ITK: variants seen among roughly 807,000 people sequenced by gnomAD.
ITK encodes tyrosine-protein kinase ITK/TSK.
In ITK, 45 loss-of-function variants were observed where a neutral mutation model predicts 87.6. The observed-to-expected ratio is 0.51, with a 90% CI of 0.40 to 0.66. ITK has a LOEUF of 0.66. Ranked by LOEUF, ITK falls within the 30% of genes least tolerant of loss-of-function variation. The pLI is 0.00. For missense variants in ITK, 605 were observed against 766.3 expected, an observed-to-expected ratio of 0.79 and a Z score of 2.48; for synonymous variants, 303 against 273.6, an observed-to-expected ratio of 1.11 and a Z score of -1.06.
chr5:157,207,659 C>T (rs924767468), intron 1 of ITK, among the ~76,000 whole-genome samples: 1 of 152,052 alleles, frequency 6.6e-6, no homozygotes, highest in African/African-American at 2.4e-5. Flanking sequence ...GGATTACAGG[C>T]GTGAGCCACC....
At chr5:157,243,995 T>A (rs543305620) in intron 12 of ITK, 3 of 675,552 alleles carry the variant, frequency 4.4e-6, no homozygotes, top group Non-Finnish European at 8.0e-6. Flanking sequence ...CACCTCCCCC[T>A]TCTCAGCTCC....
At chr5:157,219,611 A>T (rs1465046544) in intron 5 of ITK, among the ~76,000 whole-genome samples, 1 of 152,188 alleles carries the variant, frequency 6.6e-6, no homozygotes, top group African/African-American at 2.4e-5. Flanking sequence ...TGGTGTTTAG[A>T]TCTGTCATCA....
At chr5:157,241,769 G>A (rs1754912790) in intron 11 of ITK, 49 bp downstream of exon 11, 4 of 1,417,070 alleles carry the variant, frequency 2.8e-6, no homozygotes, top group Admixed American at 1.7e-5. Flanking sequence ...AAGGTCTGGG[G>A]CAAATTCTGA....
chr5:157,232,181 C>T (rs1454064761), intron 7 of ITK, among the ~76,000 whole-genome samples, 159 bp from the exon 8 acceptor site: 5 of 152,116 alleles, frequency 3.3e-5, no homozygotes, highest in Admixed American at 2.6e-4. Context: ...TAGAAACATA[C>T]GTGTGCAGAC....
rs1236720776 is a variant in ITK at position 157,254,099 on chromosome 5, T to G, written c.*1421T>G. On this transcript the variant is annotated 3_prime_UTR_variant, in exon 17 of 17. Transcript: ENST00000422843. ...CCGCAATACACAGATTCTTTATTCC[T>G]ATTCGACACTGGCTTCTACTGAAAA... 3 of 227,728 alleles carry G rather than the reference T, an allele frequency of 1.3e-5. No homozygotes were observed. The Admixed American group carries it at 1.7e-4, about 13-fold the overall frequency. The allele number at this position is 227,728 out of a possible 1,614,324, so 14.1% of individuals were successfully genotyped here.
chr5:157,181,010 C>G lies in ITK; in HGVS notation c.33C>G (p.Leu11=). Residue 11 remains leucine, a synonymous_variant, in exon 1 of 17, where the codon CTC becomes CTG. Coordinates refer to ENST00000422843, the MANE Select transcript of ITK (RefSeq NM_005546.4). MNNFILLEEQ[L]IKKSQQKRRT... ...ACTTTATCCTCCTGGAAGAACAGCT[C>G]ATCAAGAAATCCCAACAAAAGAGAA... 1 of 1,613,902 alleles carries G rather than the reference C, an allele frequency of 6.2e-7. No homozygotes were observed. Among genetic ancestry groups the G allele is most frequent in the Non-Finnish European group, 8.5e-7 (1 of 1,179,760 alleles).
intron 1 of ITK, among the ~76,000 whole-genome samples, chr5:157,192,900 A>G (rs1753780238): frequency 6.6e-6 from 1 of 152,192 alleles, no homozygotes; most frequent in Non-Finnish European, 1.5e-5. Context: ...ATAAAGTTGG[A>G]CTGAATGATT....
At chr5:157,225,238 T>A (rs1021668596) in intron 6 of ITK, among the ~76,000 whole-genome samples, 1 of 152,130 alleles carries the variant, frequency 6.6e-6, no homozygotes, top group Non-Finnish European at 1.5e-5. Flanking sequence ...CGAGAAATTC[T>A]CCCGCTTTAG....
intron 1 of ITK, among the ~76,000 whole-genome samples, chr5:157,182,634 C>T (rs1035740355): frequency 2.0e-5 from 3 of 152,058 alleles, no homozygotes; most frequent in South Asian, 4.2e-4. Flanking sequence ...GCTAATAAAT[C>T]GCATGGCATT....
intron 6 of ITK, among the ~76,000 whole-genome samples, chr5:157,223,684 G>T (rs1476437148): frequency 6.6e-6 from 1 of 151,892 alleles, no homozygotes; most frequent in East Asian, 1.9e-4. Flanking sequence ...CAGAATCTGA[G>T]TTCAATAGTT....
chr5:157,212,416 C>T (rs1370247513), intron 3 of ITK, among the ~76,000 whole-genome samples: 1 of 152,138 alleles, frequency 6.6e-6, no homozygotes, highest in Non-Finnish European at 1.5e-5. Flanking sequence ...TATCTTATCC[C>T]GAGGTTGTTG....
intron 16 of ITK, among the ~76,000 whole-genome samples, chr5:157,252,333 C>A (rs541042940): frequency 4.4e-4 from 67 of 152,200 alleles, no homozygotes; most frequent in African/African-American, 1.6e-3. Context: ...TTATTATCTC[C>A]ATTTTACAAA....
chr5:157,201,422 C>A (rs749970148), intron 1 of ITK, among the ~76,000 whole-genome samples: 1 of 151,560 alleles, frequency 6.6e-6, no homozygotes, highest in African/African-American at 2.4e-5. Flanking sequence ...CTCAGCCTCC[C>A]GAGCAGCTGG....
intron 4 of ITK, among the ~76,000 whole-genome samples, chr5:157,215,036 C>T (rs2113756297): frequency 6.6e-6 from 1 of 152,266 alleles, no homozygotes; most frequent in African/African-American, 2.4e-5. Context: ...GAACCTTAAC[C>T]TCCAGTCGAG....
At chr5:157,234,669 G>C (rs1172294665) in intron 8 of ITK, among the ~76,000 whole-genome samples, 1 of 152,072 alleles carries the variant, frequency 6.6e-6, no homozygotes, top group African/African-American at 2.4e-5. Context: ...AACTAACACA[G>C]GAATAGAAAA....
chr5:157,252,587 G>T lies in ITK; in HGVS notation c.1792-20G>T. The T allele has an allele frequency of 6.2e-7, 1 of 1,601,354 alleles. No homozygotes were observed. The highest frequency in any genetic ancestry group is 8.6e-7 in the Non-Finnish European group (1 of 1,168,326). On this transcript the variant is annotated intron_variant, in intron 16 of 16. Transcript: ENST00000422843. ...CGCATAAGTACAAGGAACTTACAGAGTTCTTTTTTCCCTCTCCAGAGACCA... is the reference window on the plus strand; with the variant it reads ...CGCATAAGTACAAGGAACTTACAGATTTCTTTTTTCCCTCTCCAGAGACCA...
intron 1 of ITK, among the ~76,000 whole-genome samples, chr5:157,191,071 T>C (rs149658939): frequency 8.1e-4 from 124 of 152,320 alleles, no homozygotes; most frequent in African/African-American, 2.9e-3. Context: ...TCCTGGGCCA[T>C]TGTGTAGTGT....
In ITK at chr5:157,243,828, TG is replaced by T. The variant is rs761076141; in HGVS notation, c.1232+40del. 20 of 1,596,752 alleles carry T rather than the reference TG, an allele frequency of 1.3e-5. No individual in the cohort carries two copies. The South Asian group carries it at 1.5e-4, about 12-fold the overall frequency. On this transcript the variant is annotated intron_variant, in intron 12 of 16. Transcript: ENST00000422843. ...TCAGAACAAGGATATGCAGAAACTC[TG>T]GGGGGAACATCGGTTCAGTGTTCTT...
chr5:157,252,643 C>A lies in ITK; in HGVS notation c.1828C>A (p.Arg610Ser), dbSNP rs763559802. Residue 610 changes from arginine to serine, a missense_variant, in exon 17 of 17, where the codon CGT (arginine) becomes AGT (serine). Coordinates refer to ENST00000422843, the MANE Select transcript of ITK (RefSeq NM_005546.4). ...EDRPAFSRLL[R>S]QLAEIAESGL Reference sequence around the variant, plus strand: ...TCGGCCAGCCTTCTCCAGACTGCTGCGTCAACTGGCTGAAATTGCAGAATC... The same window carrying A: ...TCGGCCAGCCTTCTCCAGACTGCTGAGTCAACTGGCTGAAATTGCAGAATC... 1.9e-6 allele frequency: 3 copies of A among 1,614,038 alleles called. No individual in the cohort carries two copies. The South Asian group carries it at 3.3e-5, about 18-fold the overall frequency.
Sources: gnomAD v4.1 joint callset for allele counts (sites outside exome capture counted in the v4.1 genomes callset) on GRCh38, gnomAD v4.1.1 for gene constraint, MANE v1.5 for transcripts, NCBI Gene and HGNC (gene_info 2026-07-23, HGNC 2026-07-21) for gene names.